The following STS variants were observed in gnomAD, a reference collection of about 807,000 sequenced individuals.
The protein encoded by STS is steryl-sulfatase.
Under a neutral mutation model 26.8 loss-of-function variants are expected in STS, and 7 were observed. The observed-to-expected ratio is 0.26, with a 90% CI of 0.15 to 0.49. The LOEUF is 0.49. Among genes scored for constraint, STS ranks in the 20% least tolerant of loss-of-function variants. The probability of loss-of-function intolerance (pLI) is 0.98; values close to 1 mark genes in which losing one functional copy is unlikely to be tolerated. For synonymous variants in STS, 199 were observed against 189.4 expected (o/e 1.05, Z -0.42); for missense variants, 434 against 465.6 (o/e 0.93, Z 0.63).
intron 9 of STS, among the ~76,000 whole-genome samples, chrX:7,332,161 T>C (rs779548318): frequency 1.4e-3 from 145 of 105,046 alleles, no homozygotes; most frequent in Non-Finnish European, 2.3e-3. Flanking sequence ...GGCAAATCGC[T>C]CCAAAAAAAA....
intron 1 of STS, among the ~76,000 whole-genome samples, chrX:7,186,746 T>C (rs1447094796): frequency 2.7e-5 from 3 of 112,451 alleles, no homozygotes; most frequent in Admixed American, 9.4e-5. Flanking sequence ...ATGAGGCTAT[T>C]TGATCAGCAT....
At chrX:7,198,063 A>AC (rs752263271) in intron 2 of STS, among the ~76,000 whole-genome samples, 20 of 111,311 alleles carry the variant, frequency 1.8e-4, no homozygotes, top group Admixed American at 1.1e-3. Context: ...ATGATCTGTA[A>AC]CCCCCCCAAT....
chrX:7,293,562 T>A (rs1484168991), intron 7 of STS, among the ~76,000 whole-genome samples: 1 of 111,910 alleles, frequency 8.9e-6, no homozygotes, highest in Non-Finnish European at 1.9e-5. Context: ...TGCAGGTGAA[T>A]CCACATCTTC....
chrX:7,184,743 A>G (rs937075430), intron 1 of STS, among the ~76,000 whole-genome samples: 5 of 112,080 alleles, frequency 4.5e-5, no homozygotes, highest in African/African-American at 1.6e-4. Context: ...GCAACATTCA[A>G]TAATCAAACA....
chrX:7,255,252 C>T (rs1473466725), intron 3 of STS, among the ~76,000 whole-genome samples: 1 of 111,685 alleles, frequency 9.0e-6, no homozygotes, highest in Non-Finnish European at 1.9e-5. Flanking sequence ...TTTAAATGTC[C>T]TCTTAAAATT....
chrX:7,268,734 G>A (rs1004580449), intron 6 of STS, among the ~76,000 whole-genome samples: 1 of 111,527 alleles, frequency 9.0e-6, no homozygotes, highest in Non-Finnish European at 1.9e-5. Context: ...TGAGGGCAAC[G>A]GGCACAGTGG....
At chrX:7,323,349 G>A (rs1424502831) in intron 8 of STS, among the ~76,000 whole-genome samples, 2 of 110,665 alleles carry the variant, frequency 1.8e-5, no homozygotes, top group Non-Finnish European at 3.8e-5. Flanking sequence ...CATAGTACCT[G>A]ATAGTTTTTC....
chrX:7,262,576 AT>A (rs1435845584), intron 6 of STS, among the ~76,000 whole-genome samples: 6 of 112,375 alleles, frequency 5.3e-5, no homozygotes, highest in African/African-American at 1.9e-4. Context: ...TTCAGATGAA[AT>A]TTTATGAGAA....
chrX:7,185,528 A>G (rs1174515940), intron 1 of STS, among the ~76,000 whole-genome samples: 1 of 112,269 alleles, frequency 8.9e-6, no homozygotes, highest in Non-Finnish European at 1.9e-5. Flanking sequence ...TATTATTACT[A>G]TTATTCTCAT....
chrX:7,319,039 A>G (rs935770634), intron 8 of STS, among the ~76,000 whole-genome samples: 1 of 112,052 alleles, frequency 8.9e-6, no homozygotes, highest in Admixed American at 9.5e-5. Flanking sequence ...TGTCTCTTCC[A>G]TCACCTGGAG....
At chrX:7,238,737 CAGG>C (rs72383407) in intron 2 of STS, among the ~76,000 whole-genome samples, 25,594 of 110,100 alleles carry the variant, frequency 0.23, 2,501 homozygotes, top group Admixed American at 0.4. Context: ...GAGGCTAAGG[CAGG>C]AGGATTGCTT....
chrX:7,247,100 T>C (rs181857921), intron 2 of STS, among the ~76,000 whole-genome samples: 1 of 112,369 alleles, frequency 8.9e-6, no homozygotes, highest in East Asian at 2.8e-4. Flanking sequence ...TCATAGAAAG[T>C]GAATGTGACC....
chrX:7,327,941 C>T (rs949160437), intron 9 of STS, among the ~76,000 whole-genome samples: 12 of 111,477 alleles, frequency 1.1e-4, no homozygotes, highest in African/African-American at 1.6e-4. Context: ...AATATTCATC[C>T]GAGGTCATAA....
chrX:7,313,060 C>T (rs1295106863), intron 8 of STS, among the ~76,000 whole-genome samples: 1 of 112,226 alleles, frequency 8.9e-6, no homozygotes, highest in Non-Finnish European at 1.9e-5. Flanking sequence ...CATCCCTCTC[C>T]CAAGTCAAGG....
At chrX:7,344,657 G>A (rs922973224) in intron 10 of STS, among the ~76,000 whole-genome samples, 3 of 111,562 alleles carry the variant, frequency 2.7e-5, no homozygotes, top group African/African-American at 9.8e-5. Context: ...GTTCTGGAGC[G>A]CTTGAATTAC....
intron 2 of STS, among the ~76,000 whole-genome samples, chrX:7,191,395 A>T (rs767272952): frequency 8.9e-6 from 1 of 111,807 alleles, no homozygotes; most frequent in East Asian, 2.8e-4. Context: ...AGGTGGCTCT[A>T]CTCTAGTTGA....
intron 10 of STS, among the ~76,000 whole-genome samples, chrX:7,348,822 A>G (rs1431815261): frequency 8.9e-6 from 1 of 111,870 alleles, no homozygotes; most frequent in African/African-American, 3.3e-5. Flanking sequence ...TAATTTAAAG[A>G]TTTTTAGAAA....
rs1924787011 is a variant in STS at position 7,280,091 on chromosome X, AC to A, written c.943+4005del. Among the ~76,000 whole-genome samples, 3 of 112,002 alleles carry A rather than the reference AC, an allele frequency of 2.7e-5. No homozygotes were observed. The Admixed American group carries it at 2.8e-4, about 11-fold the overall frequency. ...CGTGCATCATGTCAGTGCACAACCA[AC>A]AACATATCTCCGGGACAGATCTAGT... On this transcript the variant is annotated intron_variant, in intron 7 of 10. Coordinates refer to ENST00000674429, the MANE Select transcript of STS (RefSeq NM_001320752.2).
At chrX:7,242,939 GT>G (rs1465390911) in intron 2 of STS, among the ~76,000 whole-genome samples, 2 of 112,281 alleles carry the variant, frequency 1.8e-5, no homozygotes, top group African/African-American at 3.2e-5. Flanking sequence ...GTTTTGCCCT[GT>G]ATTTGTGGAA....
Sources: gnomAD v4.1 joint callset for allele counts (sites outside exome capture counted in the v4.1 genomes callset) on GRCh38, gnomAD v4.1.1 for gene constraint, MANE v1.5 for transcripts, NCBI Gene and HGNC (gene_info 2026-07-23, HGNC 2026-07-21) for gene names.